SLC35F3: variants seen among roughly 807,000 people sequenced by gnomAD.
The protein encoded by SLC35F3 is putative thiamine transporter SLC35F3.
SLC35F3 carries 25 observed loss-of-function variants against 49.9 expected under a neutral mutation model. That is an observed-to-expected ratio of 0.50 (90% CI 0.37 to 0.70). The LOEUF is 0.70. SLC35F3 is among the 30% of genes least tolerant of loss of function. The pLI is 0.00. For missense variants in SLC35F3, 525 were observed against 639.8 expected, an observed-to-expected ratio of 0.82 and a Z score of 1.94; for synonymous variants, 275 against 265.4, an observed-to-expected ratio of 1.04 and a Z score of -0.35.
At chr1:233,929,097 T>C (rs1352645794) in intron 2 of SLC35F3, among the ~76,000 whole-genome samples, 2 of 151,106 alleles carry the variant, frequency 1.3e-5, no homozygotes, top group East Asian at 3.9e-4. Flanking sequence ...GGCAGTACTC[T>C]GTCTACCATG....
intron 2 of SLC35F3, among the ~76,000 whole-genome samples, chr1:233,962,283 G>C (rs912800921): frequency 1.3e-5 from 2 of 152,158 alleles, no homozygotes; most frequent in Non-Finnish European, 2.9e-5. Flanking sequence ...TATTCTTCAA[G>C]AATGTGATCT....
At chr1:233,927,447 G>C (rs1662178029) in intron 2 of SLC35F3, among the ~76,000 whole-genome samples, 2 of 152,044 alleles carry the variant, frequency 1.3e-5, no homozygotes, top group African/African-American at 4.8e-5. Flanking sequence ...GAATAAGATT[G>C]ATGCTAAACT....
intron 2 of SLC35F3, among the ~76,000 whole-genome samples, chr1:233,993,898 C>G (rs892844383): frequency 6.6e-6 from 1 of 152,174 alleles, no homozygotes; most frequent in Non-Finnish European, 1.5e-5. Context: ...AGCTGCCCAA[C>G]CTGCCGCATG....
intron 2 of SLC35F3, among the ~76,000 whole-genome samples, chr1:234,073,216 A>C (rs1452423072): frequency 6.6e-6 from 1 of 152,128 alleles, no homozygotes; most frequent in Non-Finnish European, 1.5e-5. Flanking sequence ...TGATCATAGC[A>C]CACTGCAGCC....
chr1:234,256,325 G>A (rs1667821213), intron 3 of SLC35F3, among the ~76,000 whole-genome samples: 2 of 152,120 alleles, frequency 1.3e-5, no homozygotes, highest in African/African-American at 2.4e-5. Flanking sequence ...AAAATTCGAA[G>A]CTCCCCTGAA....
chr1:234,323,504 T>C lies in SLC35F3; in HGVS notation c.*261T>C. 2.0e-6 allele frequency: 1 copy of C among 489,712 alleles called. No individual in the cohort carries two copies. Among genetic ancestry groups the C allele is most frequent in the Admixed American group, 3.6e-5 (1 of 27,588 alleles). The allele number at this position is 489,712 out of a possible 1,614,324, so 30.3% of individuals were successfully genotyped here. On this transcript the variant is annotated 3_prime_UTR_variant, in exon 8 of 8. Transcript: ENST00000366618. This position sits in a 1 kb window ranked among gnomAD's most constrained non-coding sequence, Gnocchi z 4.5. ...AAAGTGGGTTTAAAAGTTCCCTGCG[T>C]AGATCGTTTTGGATGGCTGACGTTC...
At chr1:234,085,891 G>A (rs979563425) in intron 2 of SLC35F3, among the ~76,000 whole-genome samples, 2 of 151,938 alleles carry the variant, frequency 1.3e-5, no homozygotes, top group African/African-American at 4.9e-5. Context: ...CTGGTCCTCA[G>A]TTGAGAAATC....
At chr1:234,162,995 A>G (rs1457870004) in intron 2 of SLC35F3, among the ~76,000 whole-genome samples, 2 of 152,210 alleles carry the variant, frequency 1.3e-5, no homozygotes, top group East Asian at 3.9e-4. Context: ...GTAAAGAAGA[A>G]TCATGACCTA....
chr1:234,286,279 C>A (rs1668418008), intron 3 of SLC35F3, among the ~76,000 whole-genome samples: 1 of 151,762 alleles, frequency 6.6e-6, no homozygotes, highest in African/African-American at 2.4e-5. Flanking sequence ...CACAAGACAG[C>A]TATTGGCTAC....
intron 2 of SLC35F3, among the ~76,000 whole-genome samples, chr1:234,137,312 A>G (rs944840313): frequency 1.3e-5 from 2 of 152,232 alleles, no homozygotes; most frequent in Non-Finnish European, 2.9e-5. Context: ...GCAGGAGGGC[A>G]ATTCAGAGAT....
At chr1:233,958,417 T>G (rs1032172068) in intron 2 of SLC35F3, among the ~76,000 whole-genome samples, 9 of 152,218 alleles carry the variant, frequency 5.9e-5, no homozygotes, top group African/African-American at 2.2e-4. Flanking sequence ...AGGCAAGTAG[T>G]AAGCATTTAT....
intron 3 of SLC35F3, among the ~76,000 whole-genome samples, chr1:234,261,404 A>G (rs1386725396): frequency 6.6e-6 from 1 of 152,216 alleles, no homozygotes; most frequent in Non-Finnish European, 1.5e-5. Context: ...TATAACTGAT[A>G]TAGTTATCCT....
intron 3 of SLC35F3, among the ~76,000 whole-genome samples, chr1:234,249,249 A>G (rs549168914): frequency 1.3e-5 from 2 of 152,264 alleles, no homozygotes; most frequent in East Asian, 1.9e-4. Context: ...GTATACTGTC[A>G]TATTCTTCTG....
intron 3 of SLC35F3, among the ~76,000 whole-genome samples, chr1:234,263,834 G>C (rs1371047842): frequency 6.6e-6 from 1 of 152,190 alleles, no homozygotes; most frequent in Non-Finnish European, 1.5e-5. Context: ...TGCTGGCCCA[G>C]CATGGTGGCT....
chr1:234,292,066 C>A (rs1668518089), intron 3 of SLC35F3, among the ~76,000 whole-genome samples: 1 of 152,226 alleles, frequency 6.6e-6, no homozygotes, highest in Admixed American at 6.5e-5. Context: ...GTAGCATGTG[C>A]TTCTGCATCT....
At chr1:234,201,128 C>T (rs1666894951) in intron 2 of SLC35F3, among the ~76,000 whole-genome samples, 1 of 152,200 alleles carries the variant, frequency 6.6e-6, no homozygotes, top group Non-Finnish European at 1.5e-5. Flanking sequence ...GGAGAGGCCC[C>T]ATGGCTCATA....
intron 2 of SLC35F3, among the ~76,000 whole-genome samples, chr1:234,030,259 C>G (rs1282895735): frequency 6.6e-6 from 1 of 152,170 alleles, no homozygotes; most frequent in Non-Finnish European, 1.5e-5. Flanking sequence ...TATGGATTAG[C>G]CTTCCACAGT....
chr1:233,947,293 A>G (rs1169513580), intron 2 of SLC35F3, among the ~76,000 whole-genome samples: 2 of 152,148 alleles, frequency 1.3e-5, no homozygotes, highest in African/African-American at 4.8e-5. Context: ...GCATATGTCC[A>G]TACTCCCACA....
intron 2 of SLC35F3, among the ~76,000 whole-genome samples, chr1:234,157,008 G>A (rs1191704885): frequency 3.3e-5 from 5 of 152,080 alleles, no homozygotes; most frequent in Non-Finnish European, 4.4e-5. Context: ...ATTTTGGGAG[G>A]AGATGATAAA....
Sources: allele counts gnomAD v4.1 joint callset (sites outside exome capture counted in the v4.1 genomes callset), GRCh38; gene constraint gnomAD v4.1.1; non-coding constraint Gnocchi (gnomAD v3.1); transcripts MANE v1.5; gene names NCBI Gene and HGNC (gene_info 2026-07-23, HGNC 2026-07-21).